Variants in PPP1R13B observed in about 807,000 individuals in gnomAD.
The protein encoded by PPP1R13B is apoptosis-stimulating of p53 protein 1.
Under a neutral mutation model 119.8 loss-of-function variants are expected in PPP1R13B, and 44 were observed. The ratio of observed to expected loss-of-function variants is 0.37; its 90% CI spans 0.29 to 0.47. The LOEUF is 0.47. Among genes scored for constraint, PPP1R13B ranks in the 20% least tolerant of loss-of-function variants. The probability of loss-of-function intolerance (pLI) is 0.99; values close to 1 mark genes in which losing one functional copy is unlikely to be tolerated. For missense variants in PPP1R13B, 1,227 were observed against 1,413.5 expected (o/e 0.87, Z 2.12); for synonymous variants, 542 against 561.5 (o/e 0.97, Z 0.49).
At chr14:103,804,032 G>T (rs2085962378) in intron 1 of PPP1R13B, 2 of 981,470 alleles carry the variant, frequency 2.0e-6, no homozygotes, top group Admixed American at 1.2e-4. Flanking sequence ...TACTGGAACA[G>T]TATCTGTGAC....
chr14:103,798,570 C>A (rs1784980719), intron 1 of PPP1R13B, among the ~76,000 whole-genome samples: 1 of 151,894 alleles, frequency 6.6e-6, no homozygotes, highest in Non-Finnish European at 1.5e-5. Context: ...AACAGAAAGA[C>A]CAAAAATCCA....
Position 103,737,817 on chromosome 14 carries a change from A to C in PPP1R13B, c.2908T>G (p.Cys970Gly). ...CAASCNSVHL[C>G]KQLVESGAAI... ...GCACCACTCTCCACCAGCTGTTTGCAGAGGTGAACGCTGTTACAAGAGGCA... is the reference window on the plus strand; with the variant it reads ...GCACCACTCTCCACCAGCTGTTTGCCGAGGTGAACGCTGTTACAAGAGGCA... Residue 970 changes from cysteine to glycine, a missense_variant, in exon 15 of 17, where the codon TGC becomes GGC. Coordinates refer to ENST00000202556, the MANE Select transcript of PPP1R13B (RefSeq NM_015316.3). 1 of 1,614,212 alleles carries C rather than the reference A, an allele frequency of 6.2e-7. No individual in the cohort carries two copies. Among genetic ancestry groups the C allele is most frequent in the Non-Finnish European group, 8.5e-7 (1 of 1,180,038 alleles).
rs1031836407 is a variant in PPP1R13B at position 103,847,007 on chromosome 14, C to A, written c.9+292G>T. On this transcript the variant is annotated intron_variant, in intron 1 of 16. Coordinates refer to ENST00000202556, the MANE Select transcript of PPP1R13B (RefSeq NM_015316.3). ...CTGTGCCCCAGCGTCCGACCGCGCA[C>A]CTGAGAGGACCGAGGAGATGACCGG... 4.3e-6 allele frequency: 5 copies of A among 1,169,788 alleles called. No homozygotes were observed. The African/African-American group carries it at 6.5e-5, about 15-fold the overall frequency. 72.5% of individuals were successfully genotyped at this position (1,169,788 alleles called of 1,614,324 possible). A position where few individuals can be genotyped will look rare whatever the true frequency, so the allele number is the denominator to read the frequency against.
intron 9 of PPP1R13B, among the ~76,000 whole-genome samples, chr14:103,745,667 G>C (rs1257464955): frequency 6.6e-6 from 1 of 152,238 alleles, no homozygotes; most frequent in Non-Finnish European, 1.5e-5. Context: ...AATGAGGACA[G>C]AGCGCTGTTT....
At chr14:103,758,392 A>G (rs1025263868) in intron 4 of PPP1R13B, among the ~76,000 whole-genome samples, 4 of 152,226 alleles carry the variant, frequency 2.6e-5, no homozygotes, top group Admixed American at 6.5e-5. Context: ...AGAATGACCA[A>G]TGAGGTGGGT....
intron 4 of PPP1R13B, among the ~76,000 whole-genome samples, chr14:103,761,359 TTCA>T (rs542737783): frequency 1.4e-3 from 218 of 151,428 alleles, no homozygotes; most frequent in African/African-American, 5.0e-3. Flanking sequence ...AACAGAGGAA[TTCA>T]TCATATTACA....
intron 2 of PPP1R13B, among the ~76,000 whole-genome samples, chr14:103,791,948 A>G (rs1021095238): frequency 1.1e-4 from 16 of 152,160 alleles, no homozygotes; most frequent in African/African-American, 3.9e-4. Flanking sequence ...GCTTAGGCTT[A>G]TCATTTAGTA....
chr14:103,743,087 G>A (rs1163313195), intron 9 of PPP1R13B, among the ~76,000 whole-genome samples: 1 of 152,194 alleles, frequency 6.6e-6, no homozygotes, highest in Non-Finnish European at 1.5e-5. Flanking sequence ...AGAGACTCAC[G>A]CCAAACCAAG....
At chr14:103,736,375 T>TC in intron 15 of PPP1R13B, 173 bp from the exon 16 acceptor site, 1 of 647,682 alleles carries the variant, frequency 1.5e-6, no homozygotes, top group South Asian at 1.9e-5. Flanking sequence ...ACCCGATACC[T>TC]CCCCTGCCCG....
chr14:103,817,576 T>C (rs1336347117), intron 1 of PPP1R13B, among the ~76,000 whole-genome samples: 3 of 152,214 alleles, frequency 2.0e-5, no homozygotes, highest in Non-Finnish European at 2.9e-5. Context: ...TAAATTTTTT[T>C]TTAATTTTGT....
intron 1 of PPP1R13B, among the ~76,000 whole-genome samples, chr14:103,818,730 A>T (rs1189886751): frequency 6.6e-6 from 1 of 152,204 alleles, no homozygotes; most frequent in Non-Finnish European, 1.5e-5. Flanking sequence ...AATGTTCTTC[A>T]TTATACAAAT....
Position 103,823,040 on chromosome 14 carries a change from T to C in PPP1R13B, c.9+24259A>G, listed in dbSNP as rs114971713. 5.9e-3 allele frequency among the ~76,000 whole-genome samples: 900 copies of C among 151,844 alleles called. 11 individuals are homozygous for C. Among genetic ancestry groups the C allele is most frequent in the African/African-American group, 0.02 (848 of 41,410 alleles). ...TGCCCATAAGGATCCCTAAGTCTCT[T>C]AGAACAGGGACAATTTGGCCGGGCA... On this transcript the variant is annotated intron_variant, in intron 1 of 16. Transcript: ENST00000202556.
intron 1 of PPP1R13B, chr14:103,818,487 T>C: frequency 1.0e-6 from 1 of 982,360 alleles, no homozygotes; most frequent in Non-Finnish European, 1.2e-6. Context: ...GTACCTGTTT[T>C]CACACAGGGA....
chr14:103,748,109 AC>A (rs2084437965), intron 8 of PPP1R13B, among the ~76,000 whole-genome samples: 2 of 135,086 alleles, frequency 1.5e-5, no homozygotes, highest in East Asian at 2.2e-4. Context: ...ACACACACAC[AC>A]ACACGTGCAC....
chr14:103,794,643 T>C (rs774806964), intron 2 of PPP1R13B: 14 of 449,676 alleles, frequency 3.1e-5, no homozygotes, highest in South Asian at 2.2e-4. Context: ...CAGTAAGTTT[T>C]ATGTGAGGGT....
At chr14:103,736,500 TCA>T (rs1358295617) in intron 15 of PPP1R13B, 1 of 478,150 alleles carries the variant, frequency 2.1e-6, no homozygotes, top group African/African-American at 1.9e-5. Context: ...CGCTTAGCAA[TCA>T]CAGCCAGAAC....
At chr14:103,761,780 A>G (rs2084812633) in intron 4 of PPP1R13B, among the ~76,000 whole-genome samples, 1 of 152,038 alleles carries the variant, frequency 6.6e-6, no homozygotes, top group Non-Finnish European at 1.5e-5. Context: ...AAAAAAGAAA[A>G]AGAAAAAAAA....
chr14:103,786,105 T>G (rs1459720392), intron 2 of PPP1R13B, among the ~76,000 whole-genome samples: 1 of 152,178 alleles, frequency 6.6e-6, no homozygotes, highest in Admixed American at 6.5e-5. Context: ...AGTGGTATGA[T>G]CTCAGTTCAC....
chr14:103,828,126 G>A (rs891485712), intron 1 of PPP1R13B, among the ~76,000 whole-genome samples: 6 of 152,068 alleles, frequency 3.9e-5, no homozygotes, highest in Non-Finnish European at 8.8e-5. Flanking sequence ...CAGCACTGTA[G>A]GAGGCCGAGG....
Sources: gnomAD v4.1 joint callset for allele counts (sites outside exome capture counted in the v4.1 genomes callset) on GRCh38, gnomAD v4.1.1 for gene constraint, MANE v1.5 for transcripts, NCBI Gene and HGNC (gene_info 2026-07-23, HGNC 2026-07-21) for gene names.